The following LHFPL3 variants were observed in gnomAD, a reference collection of about 807,000 sequenced individuals.
LHFPL3 encodes the protein LHFPL tetraspan subfamily member 3, also known as LHFPL tetraspan subfamily member 3 protein.
LHFPL3 carries 5 observed loss-of-function variants against 19.3 expected under a neutral mutation model. The observed-to-expected ratio is 0.26, with a 90% confidence interval of 0.14 to 0.54. The LOEUF (loss-of-function observed/expected upper bound fraction) is 0.54. Among genes scored for constraint, LHFPL3 ranks in the 20% least tolerant of loss-of-function variants. The pLI is 0.94. For missense variants in LHFPL3, 249 were observed against 307.4 expected, an observed-to-expected ratio of 0.81 and a Z score of 1.42; for synonymous variants, 133 against 126.2, an observed-to-expected ratio of 1.05 and a Z score of -0.36.
chr7:104,805,422 A>G (rs1005563424), intron 2 of LHFPL3, among the ~76,000 whole-genome samples: 1 of 152,202 alleles, frequency 6.6e-6, no homozygotes, highest in Non-Finnish European at 1.5e-5. Context: ...AATGACAACT[A>G]TCTGTAGCAA....
At chr7:104,822,497 G>A (rs968669662) in intron 2 of LHFPL3, among the ~76,000 whole-genome samples, 7 of 152,134 alleles carry the variant, frequency 4.6e-5, no homozygotes, top group African/African-American at 1.7e-4. Context: ...GTGCATTGTA[G>A]GATGTTTGCC....
chr7:104,662,845 C>T (rs1172704489), intron 1 of LHFPL3, among the ~76,000 whole-genome samples: 4 of 152,150 alleles, frequency 2.6e-5, no homozygotes, highest in African/African-American at 9.7e-5. Context: ...AATTAGTTCA[C>T]TGATTTTTAA....
intron 1 of LHFPL3, among the ~76,000 whole-genome samples, chr7:104,576,618 C>G (rs1790343687): frequency 6.6e-6 from 1 of 152,112 alleles, no homozygotes; most frequent in Non-Finnish European, 1.5e-5. Context: ...GATCCTCTGT[C>G]CTGTCTGAGA....
intron 1 of LHFPL3, among the ~76,000 whole-genome samples, chr7:104,696,860 C>T (rs1027531933): frequency 6.6e-6 from 1 of 152,112 alleles, no homozygotes; most frequent in African/African-American, 2.4e-5. Flanking sequence ...ATTTGGGCTG[C>T]TTAGTCCATT....
At chr7:104,469,401 G>A (rs1255314350) in intron 1 of LHFPL3, among the ~76,000 whole-genome samples, 4 of 152,176 alleles carry the variant, frequency 2.6e-5, no homozygotes, top group African/African-American at 9.7e-5. Context: ...TTTCCTGGTA[G>A]GCATTAGTTG....
chr7:104,605,548 A>T (rs1345024979), intron 1 of LHFPL3, among the ~76,000 whole-genome samples: 1 of 152,208 alleles, frequency 6.6e-6, no homozygotes, highest in Non-Finnish European at 1.5e-5. Context: ...CATGTACTTA[A>T]ATATTACACA....
chr7:104,736,549 T>G, intron 1 of LHFPL3, 126 bp from the exon 2 acceptor site: 1 of 661,468 alleles, frequency 1.5e-6, no homozygotes, highest in Non-Finnish European at 2.6e-6. Context: ...AGTGGTGAGA[T>G]TTGCTGTTTT....
intron 2 of LHFPL3, among the ~76,000 whole-genome samples, chr7:104,860,984 C>T (rs1173963138): frequency 1.3e-5 from 2 of 152,076 alleles, no homozygotes; most frequent in Admixed American, 6.5e-5. Context: ...GACTTTTCTC[C>T]GACAATCTTG....
At chr7:104,439,393 C>G (rs1018534503) in intron 1 of LHFPL3, among the ~76,000 whole-genome samples, 6 of 151,926 alleles carry the variant, frequency 3.9e-5, no homozygotes, top group Non-Finnish European at 7.4e-5. Context: ...GAAAAAAATC[C>G]TTTTAAAATT....
intron 2 of LHFPL3, among the ~76,000 whole-genome samples, chr7:104,772,743 G>T (rs1359538806): frequency 2.0e-5 from 3 of 152,212 alleles, no homozygotes; most frequent in Non-Finnish European, 4.4e-5. Context: ...GAATGTAAAT[G>T]CCAGCCTCCA....
chr7:104,523,434 A>G (rs1457305902), intron 1 of LHFPL3, among the ~76,000 whole-genome samples: 1 of 152,198 alleles, frequency 6.6e-6, no homozygotes, highest in African/African-American at 2.4e-5. Context: ...TTCCCTTTAC[A>G]TCTGTATCAT....
rs71155518 is a variant in LHFPL3 at position 104,672,058 on chromosome 7, A to AGTGTGTGT, written c.446-64594_446-64587dup. 4.1e-4 allele frequency among the ~76,000 whole-genome samples: 61 copies of AGTGTGTGT among 148,800 alleles called. No individual in the cohort carries two copies. The Middle Eastern group carries it at 0.014, about 33-fold the overall frequency. On this transcript the variant is annotated intron_variant, in intron 1 of 2. Coordinates refer to ENST00000424859, the MANE Select transcript of LHFPL3 (RefSeq NM_199000.3). ...TCCTTCTTCAAAACTTTAACTTCCAAGTGTGTGTGTGTGTGTGTGTGTGTG... is the reference window on the plus strand; with the variant it reads ...TCCTTCTTCAAAACTTTAACTTCCAAGTGTGTGTGTGTGTGTGTGTGTGTGTGTGTGTG...
chr7:104,394,669 A>G (rs28607875), intron 1 of LHFPL3, among the ~76,000 whole-genome samples: 52,600 of 151,830 alleles, frequency 0.35, 9,437 homozygotes, highest in Admixed American at 0.49. Flanking sequence ...TAATAAGGCA[A>G]TTGACATTAG....
At chr7:104,812,280 G>C (rs1258324106) in intron 2 of LHFPL3, among the ~76,000 whole-genome samples, 1 of 152,222 alleles carries the variant, frequency 6.6e-6, no homozygotes, top group Non-Finnish European at 1.5e-5. Flanking sequence ...AAAGAGAAAA[G>C]AGCAATGCCC....
chr7:104,451,879 C>T (rs1792446304), intron 1 of LHFPL3, among the ~76,000 whole-genome samples: 2 of 151,918 alleles, frequency 1.3e-5, no homozygotes, highest in South Asian at 4.2e-4. Context: ...CAAGTAGCTG[C>T]AGCTACAGGC....
intron 1 of LHFPL3, among the ~76,000 whole-genome samples, chr7:104,503,171 C>A (rs376603270): frequency 6.6e-6 from 1 of 150,734 alleles, no homozygotes; most frequent in African/African-American, 2.4e-5. Flanking sequence ...TAATATTAAG[C>A]TTTATAAGAT....
chr7:104,794,789 G>A (rs572853750), intron 2 of LHFPL3, among the ~76,000 whole-genome samples: 2 of 152,290 alleles, frequency 1.3e-5, no homozygotes, highest in South Asian at 2.1e-4. Flanking sequence ...TGCCAATCAC[G>A]TCACACAATG....
chr7:104,653,748 G>A (rs1448321825), intron 1 of LHFPL3, among the ~76,000 whole-genome samples: 1 of 152,132 alleles, frequency 6.6e-6, no homozygotes, highest in East Asian at 1.9e-4. Flanking sequence ...CCTGCCTGCA[G>A]GGACTTTTTC....
At chr7:104,741,615 A>G (rs1584508546) in intron 2 of LHFPL3, among the ~76,000 whole-genome samples, 2 of 151,904 alleles carry the variant, frequency 1.3e-5, no homozygotes, top group East Asian at 3.9e-4. Flanking sequence ...AGCTCACTAT[A>G]GCCTTGAACC....
Sources: allele counts gnomAD v4.1 joint callset (sites outside exome capture counted in the v4.1 genomes callset), GRCh38; gene constraint gnomAD v4.1.1; transcripts MANE v1.5; gene names NCBI Gene and HGNC (gene_info 2026-07-23, HGNC 2026-07-21).